CPLX1: variants seen among roughly 807,000 people sequenced by gnomAD.
CPLX1 encodes the protein complexin 1.
In CPLX1, 6 loss-of-function variants were observed where a neutral mutation model predicts 15.6. The observed-to-expected ratio is 0.39, with a 90% CI of 0.21 to 0.76. CPLX1 has a LOEUF of 0.76. Ranked by LOEUF, CPLX1 falls within the 30% of genes least tolerant of loss-of-function variation. The probability of loss-of-function intolerance (pLI) is 0.43; values close to 1 mark genes in which losing one functional copy is unlikely to be tolerated. For missense variants in CPLX1, 242 were observed against 188.6 expected (o/e 1.28, Z -1.66); for synonymous variants, 91 against 75.2 (o/e 1.21, Z -1.08).
Position 786,388 on chromosome 4 carries a change from G to A in CPLX1, c.*113C>T. On this transcript the variant is annotated 3_prime_UTR_variant, in exon 4 of 4. Coordinates refer to ENST00000304062, the MANE Select transcript of CPLX1 (RefSeq NM_006651.4). The stretch of plus-strand genomic sequence containing the variant: ...CGGGCGCGGGCAGGGCGGGCCTGGG[G>A]CTATGGCTTATATCGGCGTGGGGGC... 8.0e-7 allele frequency: 1 copy of A among 1,244,892 alleles called. No individual in the cohort carries two copies. Among genetic ancestry groups the A allele is most frequent in the South Asian group, 1.6e-5 (1 of 61,172 alleles). 77.1% of individuals were successfully genotyped at this position (1,244,892 alleles called of 1,614,324 possible).
At chr4:794,621 C>A (rs982207647) in intron 2 of CPLX1, among the ~76,000 whole-genome samples, 1 of 152,194 alleles carries the variant, frequency 6.6e-6, no homozygotes, top group Non-Finnish European at 1.5e-5. Flanking sequence ...GCAAGGACAG[C>A]CCCCACAGTC....
intron 2 of CPLX1, among the ~76,000 whole-genome samples, chr4:801,637 C>T (rs1746462399): frequency 6.6e-6 from 1 of 152,222 alleles, no homozygotes; most frequent in Admixed American, 6.5e-5. Context: ...CAGGCTACCC[C>T]CAACAGCCTG....
At chr4:809,257 G>A (rs991440231) in intron 2 of CPLX1, among the ~76,000 whole-genome samples, 14 of 152,382 alleles carry the variant, frequency 9.2e-5, no homozygotes, top group Admixed American at 9.1e-4. Flanking sequence ...ATAGACAGTG[G>A]AACGGTGATG....
intron 3 of CPLX1, 177 bp from the exon 4 acceptor site, chr4:786,875 G>A: frequency 1.0e-6 from 1 of 983,738 alleles, no homozygotes; most frequent in Middle Eastern, 5.2e-4. Context: ...GTCCCTGGAG[G>A]AATGGGAAGC....
intron 2 of CPLX1, among the ~76,000 whole-genome samples, chr4:802,134 C>G (rs1321265796): frequency 6.6e-6 from 1 of 152,150 alleles, no homozygotes; most frequent in African/African-American, 2.4e-5. Context: ...TTGTAACAGC[C>G]AAAACCAGAA....
At chr4:815,387 G>C (rs2152647694) in intron 2 of CPLX1, among the ~76,000 whole-genome samples, 1 of 134,538 alleles carries the variant, frequency 7.4e-6, no homozygotes, top group African/African-American at 2.8e-5. Flanking sequence ...CTCCAGCCTG[G>C]GTGACAGAGC....
intron 3 of CPLX1, chr4:786,957 G>A (rs1334056421): frequency 1.0e-6 from 1 of 984,976 alleles, no homozygotes; most frequent in Admixed American, 6.1e-5. Context: ...TCTTCCTTGA[G>A]AGGAGAGAGG....
intron 3 of CPLX1, among the ~76,000 whole-genome samples, chr4:791,426 C>A (rs1405090249): frequency 6.6e-6 from 1 of 152,126 alleles, no homozygotes; most frequent in Non-Finnish European, 1.5e-5. Context: ...TTGGGTACAG[C>A]GGCTGCATGT....
At chr4:816,565 ATC>A (rs1746760100) in intron 2 of CPLX1, among the ~76,000 whole-genome samples, 1 of 152,180 alleles carries the variant, frequency 6.6e-6, no homozygotes, top group Non-Finnish European at 1.5e-5. Context: ...ACAATGCAGT[ATC>A]TCAATTTTCC....
chr4:786,785 C>T, intron 3 of CPLX1, 87 bp from the exon 4 acceptor site: 2 of 1,480,286 alleles, frequency 1.4e-6, no homozygotes, highest in Non-Finnish European at 1.8e-6. Flanking sequence ...GGCCCAGGAA[C>T]CCCCGAAGGC....
At chr4:799,874 A>G (rs1746417767) in intron 2 of CPLX1, among the ~76,000 whole-genome samples, 1 of 152,184 alleles carries the variant, frequency 6.6e-6, no homozygotes, top group Non-Finnish European at 1.5e-5. Context: ...AAAAATAAAA[A>G]ATAAAAAGAT....
chr4:810,876 T>A (rs1029548839), intron 2 of CPLX1, among the ~76,000 whole-genome samples: 2 of 151,980 alleles, frequency 1.3e-5, no homozygotes, highest in African/African-American at 4.8e-5. Context: ...TTTGTATTCT[T>A]AGTAGAGGCA....
Position 785,540 on chromosome 4 carries a change from G to C in CPLX1, c.*961C>G, listed in dbSNP as rs1216877454. 6.6e-6 allele frequency: 1 copy of C among 152,556 alleles called. No homozygotes were observed. Among genetic ancestry groups the C allele is most frequent in the East Asian group, 1.9e-4 (1 of 5,190 alleles). The allele number at this position is 152,556 out of a possible 1,614,324, so 9.5% of individuals were successfully genotyped here. On this transcript the variant is annotated 3_prime_UTR_variant, in exon 4 of 4. Transcript: ENST00000304062. ...TTGTGATGCAAATTAAACATGAATG[G>C]AGGAGAAACAGGGGCTCGGATGCCG...
At chr4:818,754 G>A (rs1560247040) in intron 2 of CPLX1, among the ~76,000 whole-genome samples, 1 of 152,270 alleles carries the variant, frequency 6.6e-6, no homozygotes, top group Non-Finnish European at 1.5e-5. Context: ...CGTCCACCTC[G>A]CCTGTCTCCA....
chr4:789,310 G>A (rs1746096054), intron 3 of CPLX1, among the ~76,000 whole-genome samples: 1 of 152,100 alleles, frequency 6.6e-6, no homozygotes, highest in Admixed American at 6.5e-5. Flanking sequence ...AACACCTGAG[G>A]ATGGGAGTGG....
intron 2 of CPLX1, among the ~76,000 whole-genome samples, chr4:817,653 AT>A (rs1248961405): frequency 1.3e-5 from 2 of 152,124 alleles, no homozygotes; most frequent in African/African-American, 4.8e-5. Flanking sequence ...TAAGAGAAAA[AT>A]TTTAAGTAAG....
chr4:800,754 TAC>T (rs1553853417), intron 2 of CPLX1, among the ~76,000 whole-genome samples: 2 of 129,694 alleles, frequency 1.5e-5, no homozygotes, highest in Non-Finnish European at 3.3e-5. Flanking sequence ...TATATATATA[TAC>T]ACACACATAT....
rs970811999 is a variant in CPLX1, at chr4:789,547, G to C, written c.208-2849C>G. The stretch of plus-strand genomic sequence containing the variant: ...TGCAATGTATTGAGGGAGCCTAGTG[G>C]GCCCTCAGAAGGCCCGTGCAGGAAG... On this transcript the variant is annotated intron_variant, in intron 3 of 3. Transcript: ENST00000304062. 1.1e-4 allele frequency among the ~76,000 whole-genome samples: 17 copies of C among 152,276 alleles called. 1 individual carries two copies. The highest frequency in any genetic ancestry group is 4.1e-4 in the African/African-American group (17 of 41,556).
intron 2 of CPLX1, among the ~76,000 whole-genome samples, chr4:795,667 C>G (rs887759907): frequency 4.6e-5 from 7 of 152,130 alleles, no homozygotes; most frequent in African/African-American, 1.7e-4. Context: ...GCACCGGGCA[C>G]GACCCCGCGG....
Sources: allele counts gnomAD v4.1 joint callset (sites outside exome capture counted in the v4.1 genomes callset), GRCh38; gene constraint gnomAD v4.1.1; transcripts MANE v1.5; gene names NCBI Gene and HGNC (gene_info 2026-07-23, HGNC 2026-07-21).